MAP4K3: variants seen among roughly 807,000 people sequenced by gnomAD.
The protein encoded by MAP4K3 is mitogen-activated protein kinase kinase kinase kinase 3, also known as MAPK/ERK kinase kinase kinase 3.
A neutral mutation model predicts 143.5 loss-of-function variants in MAP4K3; 94 were observed. The observed-to-expected ratio is 0.65, with a 90% CI of 0.55 to 0.78. MAP4K3 has a LOEUF of 0.78. MAP4K3 is among the 30% of genes least tolerant of loss of function. The pLI is 0.00. For missense variants in MAP4K3, 1,077 were observed against 1,068.1 expected (o/e 1.01, Z -0.12); for synonymous variants, 416 against 347.2 (o/e 1.20, Z -2.20).
chr2:39,250,800 T>A, intron 33 of MAP4K3, 95 bp from the exon 34 acceptor site: 1 of 881,666 alleles, frequency 1.1e-6, no homozygotes, highest in Non-Finnish European at 1.8e-6. Context: ...TATGTGCCTC[T>A]ATAAATGCTG....
At chr2:39,386,974 T>G (rs1573227507) in intron 1 of MAP4K3, among the ~76,000 whole-genome samples, 1 of 152,004 alleles carries the variant, frequency 6.6e-6, no homozygotes, top group African/African-American at 2.4e-5. Flanking sequence ...CCACCACGCC[T>G]AGCTAATTTT....
chr2:39,281,835 GTATA>G (rs1336714598), intron 22 of MAP4K3, among the ~76,000 whole-genome samples: 1 of 150,642 alleles, frequency 6.6e-6, no homozygotes, highest in African/African-American at 2.4e-5. Context: ...CAAATATAAA[GTATA>G]TATATTTTGT....
chr2:39,288,326 T>G, intron 19 of MAP4K3, 46 bp from the exon 20 acceptor site: 2 of 1,562,552 alleles, frequency 1.3e-6, no homozygotes, highest in Non-Finnish European at 1.8e-6. Context: ...CATCAAATTA[T>G]TTTCCTGAAG....
chr2:39,320,749 A>C (rs931310607), intron 12 of MAP4K3, among the ~76,000 whole-genome samples: 4 of 152,284 alleles, frequency 2.6e-5, no homozygotes, highest in Middle Eastern at 6.8e-3. Flanking sequence ...AGGTCTCTCA[A>C]CCAGCATCTA....
At chr2:39,386,653 C>T (rs1666512938) in intron 1 of MAP4K3, among the ~76,000 whole-genome samples, 1 of 152,098 alleles carries the variant, frequency 6.6e-6, no homozygotes, top group Non-Finnish European at 1.5e-5. Flanking sequence ...GTGGAAAAGT[C>T]AATTTTCCTT....
chr2:39,424,616 G>C (rs1016763210), intron 1 of MAP4K3, among the ~76,000 whole-genome samples: 7 of 151,948 alleles, frequency 4.6e-5, no homozygotes, highest in African/African-American at 1.7e-4. Flanking sequence ...GATTGCCTGA[G>C]CCCAGGAGTT....
intron 3 of MAP4K3, among the ~76,000 whole-genome samples, chr2:39,348,216 C>T (rs918217497): frequency 2.0e-5 from 3 of 151,890 alleles, no homozygotes; most frequent in East Asian, 3.9e-4. Flanking sequence ...AATGAGTTCT[C>T]GCTTTTTATA....
At chr2:39,415,517 C>T (rs957246576) in intron 1 of MAP4K3, among the ~76,000 whole-genome samples, 7 of 152,038 alleles carry the variant, frequency 4.6e-5, no homozygotes, top group Admixed American at 2.0e-4. Context: ...GAAAAGATAA[C>T]CGTACGTATT....
chr2:39,274,383 A>AT (rs991210510), intron 24 of MAP4K3, among the ~76,000 whole-genome samples: 7 of 148,250 alleles, frequency 4.7e-5, no homozygotes, highest in African/African-American at 7.4e-5. Context: ...CGCCCGGCTA[A>AT]TTTTTTTTTT....
intron 2 of MAP4K3, among the ~76,000 whole-genome samples, chr2:39,377,201 C>CTTTTTTTTTTTT (rs56149359): frequency 0.36 from 38,960 of 107,914 alleles, 8,037 homozygotes; most frequent in Non-Finnish European, 0.45. Flanking sequence ...GCTATTTGGC[C>CTTTTTTTTTTTT]TTTTTTTTTT....
intron 2 of MAP4K3, among the ~76,000 whole-genome samples, chr2:39,364,632 C>T (rs896089049): frequency 1.3e-5 from 2 of 152,222 alleles, no homozygotes; most frequent in African/African-American, 2.4e-5. Flanking sequence ...CTTTGGAAGT[C>T]CAAGGTGGGT....
chr2:39,337,624 A>G, intron 4 of MAP4K3, 43 bp from the exon 5 acceptor site: 2 of 1,276,176 alleles, frequency 1.6e-6, no homozygotes, highest in Non-Finnish European at 1.1e-6. Context: ...TAGTCAACGC[A>G]TGTTTTTCAA....
At chr2:39,393,669 C>T (rs913958383) in intron 1 of MAP4K3, among the ~76,000 whole-genome samples, 1 of 151,986 alleles carries the variant, frequency 6.6e-6, no homozygotes, top group African/African-American at 2.4e-5. Context: ...GTGAATGAAC[C>T]AATTTCTAGA....
Position 39,378,065 on chromosome 2 carries a change from C to A in MAP4K3, c.154+1G>T, listed in dbSNP as rs1286889111. On this transcript the variant is annotated splice_donor_variant, in intron 2 of 33. Transcript: ENST00000263881. LOFTEE classifies it high-confidence loss of function. ...GAAAAAATGAATTTCAAACAATTTACCTGGTTCCAATTTTATTACTTTAAT... is the reference window on the plus strand; with the variant it reads ...GAAAAAATGAATTTCAAACAATTTAACTGGTTCCAATTTTATTACTTTAAT... The A allele has an allele frequency of 1.9e-6, 3 of 1,563,556 alleles. No individual in the cohort carries two copies. The highest frequency in any genetic ancestry group is 2.6e-6 in the Non-Finnish European group (3 of 1,142,326).
At chr2:39,425,936 T>C (rs1043099423) in intron 1 of MAP4K3, among the ~76,000 whole-genome samples, 2 of 152,174 alleles carry the variant, frequency 1.3e-5, no homozygotes, top group African/African-American at 2.4e-5. Context: ...ATAATTCAAG[T>C]AGAAATCAAC....
chr2:39,261,410 G>A (rs1680561982), intron 28 of MAP4K3, among the ~76,000 whole-genome samples: 1 of 152,116 alleles, frequency 6.6e-6, no homozygotes, highest in South Asian at 2.1e-4. Flanking sequence ...AACTTCATTA[G>A]TAATCAAGAA....
chr2:39,286,804 T>G, intron 21 of MAP4K3, 48 bp downstream of exon 21: 3 of 1,252,046 alleles, frequency 2.4e-6, no homozygotes, highest in Non-Finnish European at 3.3e-6. Flanking sequence ...AACTTAACAG[T>G]TAAAAAGGAA....
At chr2:39,408,515 T>C (rs904067366) in intron 1 of MAP4K3, among the ~76,000 whole-genome samples, 1 of 152,074 alleles carries the variant, frequency 6.6e-6, no homozygotes, top group Non-Finnish European at 1.5e-5. Flanking sequence ...GAAAAAACCT[T>C]TAAAGCCATC....
chr2:39,401,523 G>C (rs1221969756), intron 1 of MAP4K3, among the ~76,000 whole-genome samples: 1 of 152,160 alleles, frequency 6.6e-6, no homozygotes, highest in Admixed American at 6.5e-5. Flanking sequence ...TGCAAGGCCA[G>C]GCGCTGTGGT....
Sources: gnomAD v4.1 joint callset for allele counts (sites outside exome capture counted in the v4.1 genomes callset) on GRCh38, gnomAD v4.1.1 for gene constraint, MANE v1.5 for transcripts, NCBI Gene and HGNC (gene_info 2026-07-23, HGNC 2026-07-21) for gene names.